The following TRMT9B variants were observed in gnomAD, a reference collection of about 807,000 sequenced individuals.
TRMT9B encodes the protein tRNA methyltransferase 9B (putative).
TRMT9B carries 16 observed loss-of-function variants against 11.5 expected under a neutral mutation model. That is an observed-to-expected ratio of 1.39 (90% CI 0.94 to 2.11). The LOEUF (loss-of-function observed/expected upper bound fraction) is 2.11, where lower values mean the gene tolerates loss of function less well. Ranked by LOEUF, TRMT9B falls within the 30% of genes most tolerant of loss-of-function variation. The probability of loss-of-function intolerance (pLI) is 0.00; values close to 1 mark genes in which losing one functional copy is unlikely to be tolerated. For synonymous variants in TRMT9B, 274 were observed against 192.4 expected, an observed-to-expected ratio of 1.42 and a Z score of -3.51; for missense variants, 941 against 553.8, an observed-to-expected ratio of 1.70 and a Z score of -7.02.
intron 4 of TRMT9B, among the ~76,000 whole-genome samples, chr8:13,016,949 A>T (rs889814189): frequency 2.7e-5 from 4 of 150,558 alleles, no homozygotes; most frequent in African/African-American, 9.8e-5. Flanking sequence ...ATATGGTGAA[A>T]CCCCATCTGT....
chr8:13,018,926 G>C (rs965574308), intron 4 of TRMT9B, among the ~76,000 whole-genome samples: 1 of 152,136 alleles, frequency 6.6e-6, no homozygotes, highest in Non-Finnish European at 1.5e-5. Context: ...TGCAGAAAAT[G>C]TGGCACAAAA....
chr8:13,020,662 C>T (rs1411333321), intron 4 of TRMT9B, among the ~76,000 whole-genome samples: 1 of 152,044 alleles, frequency 6.6e-6, no homozygotes, highest in Non-Finnish European at 1.5e-5. Context: ...ATTGACCATC[C>T]TTCTGGTTAA....
chr8:12,986,065 C>T (rs2946488), intron 1 of TRMT9B, among the ~76,000 whole-genome samples: 127,527 of 151,942 alleles, frequency 0.84, 53,626 homozygotes, highest in Middle Eastern at 0.89. Context: ...TTTCACCATG[C>T]TGGACAAGCT....
At chr8:12,967,976 A>T (rs1200724825) in intron 1 of TRMT9B, among the ~76,000 whole-genome samples, 1 of 152,058 alleles carries the variant, frequency 6.6e-6, no homozygotes, top group African/African-American at 2.4e-5. Flanking sequence ...GCTCACTGCA[A>T]CCTCCGCCTA....
chr8:12,962,921 T>C (rs1802321880), intron 1 of TRMT9B, among the ~76,000 whole-genome samples: 1 of 152,228 alleles, frequency 6.6e-6, no homozygotes, highest in South Asian at 2.1e-4. Flanking sequence ...TGTGTGTTTG[T>C]GCTATAGACG....
At chr8:12,997,885 C>T (rs1808655565) in intron 2 of TRMT9B, among the ~76,000 whole-genome samples, 2 of 152,160 alleles carry the variant, frequency 1.3e-5, no homozygotes, top group African/African-American at 4.8e-5. Flanking sequence ...TAGAACTCAC[C>T]GATTCCATGT....
intron 1 of TRMT9B, among the ~76,000 whole-genome samples, chr8:12,988,897 C>A (rs1473633627): frequency 6.9e-6 from 1 of 145,670 alleles, no homozygotes; most frequent in East Asian, 1.9e-4. Flanking sequence ...TGTATCCATC[C>A]CAGAAGTAAA....
chr8:13,019,250 G>A (rs368098056), intron 4 of TRMT9B, among the ~76,000 whole-genome samples: 3 of 152,146 alleles, frequency 2.0e-5, no homozygotes, highest in Non-Finnish European at 4.4e-5. Flanking sequence ...CAAGTTATGG[G>A]AGATACATAC....
At chr8:13,017,093 A>C (rs1438063123) in intron 4 of TRMT9B, among the ~76,000 whole-genome samples, 2 of 136,996 alleles carry the variant, frequency 1.5e-5, no homozygotes, top group Non-Finnish European at 3.3e-5. Context: ...ACTGCACTCC[A>C]GCCTGGGCGA....
At chr8:12,973,844 A>G (rs1804004222) in intron 1 of TRMT9B, among the ~76,000 whole-genome samples, 1 of 152,150 alleles carries the variant, frequency 6.6e-6, no homozygotes, top group Non-Finnish European at 1.5e-5. Flanking sequence ...CACTGAACTC[A>G]GTTCACGCCA....
chr8:13,014,454 G>A (rs933824986), intron 4 of TRMT9B, among the ~76,000 whole-genome samples: 5 of 152,102 alleles, frequency 3.3e-5, no homozygotes, highest in South Asian at 4.1e-4. Flanking sequence ...CGTGAAATGC[G>A]GCAGGAGACT....
At chr8:12,969,216 A>G (rs1803244798) in intron 1 of TRMT9B, among the ~76,000 whole-genome samples, 1 of 152,108 alleles carries the variant, frequency 6.6e-6, no homozygotes, top group Non-Finnish European at 1.5e-5. Context: ...AAAAACAAAC[A>G]AACAAACAAA....
intron 1 of TRMT9B, among the ~76,000 whole-genome samples, chr8:12,975,869 A>C (rs1281270704): frequency 6.6e-6 from 1 of 152,236 alleles, no homozygotes; most frequent in South Asian, 2.1e-4. Flanking sequence ...ATTACGGATA[A>C]AGAGATGAGA....
At chr8:12,991,749 A>G (rs139500054) in intron 2 of TRMT9B, among the ~76,000 whole-genome samples, 3,010 of 152,162 alleles carry the variant, frequency 0.02, 35 homozygotes, top group South Asian at 0.033. Flanking sequence ...CCTGGCCAAC[A>G]TGGTGACCCC....
In TRMT9B at chr8:13,022,150, C is replaced by T. The variant is rs1034492277; in HGVS notation, c.*106C>T. 29 of 811,688 alleles carry T rather than the reference C, an allele frequency of 3.6e-5. No homozygotes were observed. Among genetic ancestry groups the T allele is most frequent in the African/African-American group, 1.9e-4 (11 of 57,190 alleles). 50.3% of individuals were successfully genotyped at this position (811,688 alleles called of 1,614,324 possible). On this transcript the variant is annotated 3_prime_UTR_variant, in exon 5 of 5. Transcript: ENST00000524591. ...TCAGTGTTATTTGTTAATCCATTTA[C>T]GCTTTGGTCTGCAGAGACTATTAAT...
chr8:12,959,900 C>G (rs1315262529), intron 1 of TRMT9B: 1 of 152,144 alleles, frequency 6.6e-6, no homozygotes, highest in African/African-American at 2.4e-5. Flanking sequence ...TGAAAGGAGA[C>G]AGGCTACAGC....
Position 13,025,817 on chromosome 8 carries a change from T to C in TRMT9B, c.*3773T>C, listed in dbSNP as rs1016478224. On this transcript the variant is annotated 3_prime_UTR_variant, in exon 5 of 5. Coordinates refer to ENST00000524591, the MANE Select transcript of TRMT9B (RefSeq NM_020844.3). ...GTGCAGAATAGTGCTAATTCTTATT[T>C]CTCGTTTGCCTTTCTATTTCCTTCC... 3.6e-5 allele frequency: 6 copies of C among 166,960 alleles called. No homozygotes were observed. The highest frequency in any genetic ancestry group is 1.4e-4 in the African/African-American group (6 of 41,460). The allele number at this position is 166,960 out of a possible 1,614,324, so 10.3% of individuals were successfully genotyped here.
At chr8:13,019,914 C>T (rs1006486506) in intron 4 of TRMT9B, among the ~76,000 whole-genome samples, 6 of 152,170 alleles carry the variant, frequency 3.9e-5, no homozygotes, top group Non-Finnish European at 8.8e-5. Context: ...TACATTACTG[C>T]ATGGTAGAGA....
At chr8:12,950,696 C>A (rs1312021050) in intron 1 of TRMT9B, among the ~76,000 whole-genome samples, 1 of 152,160 alleles carries the variant, frequency 6.6e-6, no homozygotes, top group East Asian at 1.9e-4. Context: ...GAAAACGATT[C>A]CAGAATCAGA....
Sources: allele counts gnomAD v4.1 joint callset (sites outside exome capture counted in the v4.1 genomes callset), GRCh38; gene constraint gnomAD v4.1.1; transcripts MANE v1.5; gene names NCBI Gene and HGNC (gene_info 2026-07-23, HGNC 2026-07-21).